SRPK2: variants seen among roughly 807,000 people sequenced by gnomAD.
The protein encoded by SRPK2 is SFRS protein kinase 2.
A neutral mutation model predicts 90.8 loss-of-function variants in SRPK2; 21 were observed. That is an observed-to-expected ratio of 0.23 (90% CI 0.16 to 0.33). SRPK2 has a LOEUF of 0.33. SRPK2 is among the 10% of genes least tolerant of loss of function. The probability of loss-of-function intolerance (pLI) is 1.00; values close to 1 mark genes in which losing one functional copy is unlikely to be tolerated. For synonymous variants in SRPK2, 288 were observed against 311.1 expected, an observed-to-expected ratio of 0.93 and a Z score of 0.78; for missense variants, 620 against 869.0, an observed-to-expected ratio of 0.71 and a Z score of 3.60.
intron 1 of SRPK2, among the ~76,000 whole-genome samples, chr7:105,397,090 T>G (rs966761465): frequency 1.3e-4 from 20 of 152,266 alleles, no homozygotes; most frequent in African/African-American, 4.8e-4. Flanking sequence ...TGATCTCAGC[T>G]CACTACAACT....
intron 2 of SRPK2, among the ~76,000 whole-genome samples, chr7:105,363,011 G>T (rs1818609918): frequency 6.6e-6 from 1 of 152,034 alleles, no homozygotes; most frequent in Non-Finnish European, 1.5e-5. Context: ...CACAGGATGG[G>T]GAACATCACA....
intron 6 of SRPK2, among the ~76,000 whole-genome samples, chr7:105,161,527 T>G (rs1420970004): frequency 6.6e-6 from 1 of 152,078 alleles, no homozygotes; most frequent in Admixed American, 6.5e-5. Context: ...AGAGTGCACT[T>G]AGAAAGTGCC....
intron 2 of SRPK2, chr7:105,206,585 A>T (rs1796259704): frequency 6.5e-6 from 1 of 153,384 alleles, no homozygotes; most frequent in African/African-American, 2.4e-5. Context: ...GAGGTTTAGT[A>T]ATGCTGATTA....
intron 2 of SRPK2, among the ~76,000 whole-genome samples, chr7:105,232,114 G>A (rs1799496426): frequency 1.3e-5 from 2 of 152,096 alleles, no homozygotes; most frequent in Admixed American, 1.3e-4. Context: ...TATATAATCT[G>A]CCTGCTTTAA....
At chr7:105,243,059 C>G (rs973960890) in intron 2 of SRPK2, among the ~76,000 whole-genome samples, 1 of 152,112 alleles carries the variant, frequency 6.6e-6, no homozygotes, top group African/African-American at 2.4e-5. Context: ...GTCACTCAGG[C>G]TGGGGTACAC....
chr7:105,204,128 A>G (rs1795908636), intron 2 of SRPK2, among the ~76,000 whole-genome samples: 1 of 152,210 alleles, frequency 6.6e-6, no homozygotes, highest in African/African-American at 2.4e-5. Flanking sequence ...AGCGTATTCC[A>G]TGGTATATAG....
intron 2 of SRPK2, among the ~76,000 whole-genome samples, chr7:105,273,739 T>C (rs768989496): frequency 3.3e-5 from 5 of 152,224 alleles, no homozygotes; most frequent in African/African-American, 7.2e-5. Flanking sequence ...CATGAGACCA[T>C]TGCTTCCCTA....
intron 2 of SRPK2, among the ~76,000 whole-genome samples, chr7:105,350,128 ATTTT>A (rs749102424): frequency 7.5e-6 from 1 of 133,594 alleles, no homozygotes; most frequent in Non-Finnish European, 1.6e-5. Context: ...AGTTGCTATA[ATTTT>A]TTTTTTTTTT....
intron 3 of SRPK2, among the ~76,000 whole-genome samples, chr7:105,185,381 C>T (rs751263434): frequency 2.0e-5 from 3 of 152,046 alleles, no homozygotes; most frequent in Non-Finnish European, 4.4e-5. Flanking sequence ...TAATTATCCA[C>T]ATTCCAACCT....
chr7:105,265,390 G>A (rs1804912398), intron 2 of SRPK2, among the ~76,000 whole-genome samples: 1 of 152,106 alleles, frequency 6.6e-6, no homozygotes, highest in South Asian at 2.1e-4. Context: ...CAGGTTATGT[G>A]CAAATACTAT....
intron 7 of SRPK2, among the ~76,000 whole-genome samples, chr7:105,150,209 G>C (rs898042431): frequency 2.6e-5 from 4 of 152,208 alleles, no homozygotes; most frequent in African/African-American, 9.6e-5. Context: ...ACTGCAATTA[G>C]GATATGTTTA....
At chr7:105,242,182 T>C (rs993692731) in intron 2 of SRPK2, among the ~76,000 whole-genome samples, 1 of 152,138 alleles carries the variant, frequency 6.6e-6, no homozygotes, top group Non-Finnish European at 1.5e-5. Context: ...TAATCTAACA[T>C]ACATCCCCTC....
Position 105,190,043 on chromosome 7 carries a change from C to G in SRPK2, c.229+13585G>C, listed in dbSNP as rs978235166. Among the ~76,000 whole-genome samples the G allele has an allele frequency of 5.3e-5, 8 of 152,122 alleles. No homozygotes were observed. In the East Asian group the frequency reaches 1.5e-3, roughly 29 times the overall value. ...GTGGGGACAGCCTTGTGGCAGAACG[C>G]CACAGCATTCTCTTAGTGGGTAATG... On this transcript the variant is annotated intron_variant, in intron 3 of 15. Transcript: ENST00000393651.
intron 12 of SRPK2, 31 bp from the exon 13 acceptor site, chr7:105,132,929 G>A (rs200168158): frequency 1.3e-4 from 202 of 1,612,532 alleles, no homozygotes; most frequent in Non-Finnish European, 1.7e-4. Flanking sequence ...TTACCACGGA[G>A]CAACACAGAC....
At chr7:105,240,047 TA>T (rs1223530061) in intron 2 of SRPK2, among the ~76,000 whole-genome samples, 1 of 152,130 alleles carries the variant, frequency 6.6e-6, no homozygotes, top group Non-Finnish European at 1.5e-5. Context: ...TAGGTTGCTA[TA>T]ACAAAATACC....
At chr7:105,263,543 G>T (rs1804621743) in intron 2 of SRPK2, among the ~76,000 whole-genome samples, 1 of 152,052 alleles carries the variant, frequency 6.6e-6, no homozygotes, top group Non-Finnish European at 1.5e-5. Flanking sequence ...TATCCAGAGG[G>T]TTTCTATTTA....
rs117658037 is a variant in SRPK2 at position 105,290,347 on chromosome 7, T to C, written c.72-86562A>G. 5.1e-3 allele frequency among the ~76,000 whole-genome samples: 776 copies of C among 151,782 alleles called. 13 individuals are homozygous for C. In the East Asian group the frequency reaches 0.055, roughly 11 times the overall value. On this transcript the variant is annotated intron_variant, in intron 2 of 15. Coordinates refer to ENST00000393651, the MANE Select transcript of SRPK2 (RefSeq NM_182692.3). ...CAAACAAAAAATATATATAAAAAATTAGCCAGGCATGGTGGCACACACCTG... is the reference window on the plus strand; with the variant it reads ...CAAACAAAAAATATATATAAAAAATCAGCCAGGCATGGTGGCACACACCTG...
At chr7:105,393,895 G>A (rs900152422), upstream of SRPK2, among the ~76,000 whole-genome samples, 32 of 151,632 alleles carry the variant, frequency 2.1e-4, no homozygotes, top group African/African-American at 7.5e-4. Flanking sequence ...CTATGATCGC[G>A]CTGCTGCATT....
chr7:105,386,572 C>G (rs370375505), intron 2 of SRPK2, among the ~76,000 whole-genome samples: 13 of 151,912 alleles, frequency 8.6e-5, no homozygotes, highest in East Asian at 7.8e-4. Context: ...AAAAAAATAG[C>G]TAGGCTTGGT....
Sources: gnomAD v4.1 joint callset for allele counts (sites outside exome capture counted in the v4.1 genomes callset) on GRCh38, gnomAD v4.1.1 for gene constraint, MANE v1.5 for transcripts, NCBI Gene and HGNC (gene_info 2026-07-23, HGNC 2026-07-21) for gene names.